TMEM87A: variants seen among roughly 807,000 people sequenced by gnomAD.
TMEM87A encodes Golgi-pH regulating cation channel.
Under a neutral mutation model 90.0 loss-of-function variants are expected in TMEM87A, and 50 were observed. The observed-to-expected ratio is 0.56, with a 90% CI of 0.44 to 0.70. TMEM87A has a LOEUF of 0.70. TMEM87A is among the 30% of genes least tolerant of loss of function. The probability of loss-of-function intolerance (pLI) is 0.00; values close to 1 mark genes in which losing one functional copy is unlikely to be tolerated. For missense variants in TMEM87A, 577 were observed against 660.5 expected, an observed-to-expected ratio of 0.87 and a Z score of 1.39; for synonymous variants, 226 against 226.7, an observed-to-expected ratio of 1.00 and a Z score of 0.03.
rs546186435 is a variant in TMEM87A, at chr15:42,221,500, CTAATT to C, written c.1404-1370_1404-1366del. On this transcript the variant is annotated intron_variant, in intron 15 of 19. Transcript: ENST00000389834. ...TATCAAAAATATATATATAATCTCC[CTAATT>C]TATTAATTCAATTAAGTTCCAATCA... Among the ~76,000 whole-genome samples, 66 of 152,190 alleles carry C rather than the reference CTAATT, an allele frequency of 4.3e-4. 1 individual carries two copies. Among genetic ancestry groups the C allele is most frequent in the Middle Eastern group, 6.8e-3 (2 of 294 alleles).
At chr15:42,260,415 C>A (rs1269303497) in intron 6 of TMEM87A, among the ~76,000 whole-genome samples, 1 of 152,110 alleles carries the variant, frequency 6.6e-6, no homozygotes, top group Non-Finnish European at 1.5e-5. Flanking sequence ...GTATATTATA[C>A]CTTCATAAAG....
chr15:42,226,822 A>G lies in TMEM87A; in HGVS notation c.1387T>C (p.Ser463Pro). The G allele has an allele frequency of 6.2e-7, 1 of 1,614,088 alleles. No homozygotes were observed. Among genetic ancestry groups the G allele is most frequent in the Non-Finnish European group, 8.5e-7 (1 of 1,180,006 alleles). Residue 463 changes from serine to proline, a missense_variant, in exon 15 of 20, where the codon TCT (serine) becomes CCT (proline). Coordinates refer to ENST00000389834, the MANE Select transcript of TMEM87A (RefSeq NM_015497.5). ...TCCAAGAACCTCTGGTTGTTTGCAG[A>G]TGGTCGCCAGAGAACCATGATGACA... The part of the protein sequence containing the change: ...LFVIMVLWRP[S>P]ANNQRFAFSP...
intron 10 of TMEM87A, 37 bp from the exon 11 acceptor site, chr15:42,233,343 G>A (rs1355351745): frequency 1.3e-6 from 2 of 1,523,098 alleles, no homozygotes; most frequent in Non-Finnish European, 1.8e-6. Context: ...AGTACATATG[G>A]GACAAATGCC....
chr15:42,227,598 C>A, intron 14 of TMEM87A, 113 bp downstream of exon 14: 1 of 870,358 alleles, frequency 1.1e-6, no homozygotes, highest in Non-Finnish European at 1.8e-6. Flanking sequence ...AGAGTAGAGA[C>A]CTAGCTCTAA....
chr15:42,261,020 ATAAT>A lies in TMEM87A; in HGVS notation c.460-22_460-19del, dbSNP rs764954794. On this transcript the variant is annotated intron_variant, in intron 5 of 19. Transcript: ENST00000389834. ...TCCTTAGCCTTTAAACATTAAAAAAATAATAATAATTAATTCAGAACTTCTTGTT... is the reference window on the plus strand; with the variant it reads ...TCCTTAGCCTTTAAACATTAAAAAAAAATAATTAATTCAGAACTTCTTGTT... 1.2e-5 allele frequency: 17 copies of A among 1,405,878 alleles called. No individual in the cohort carries two copies. Among genetic ancestry groups the A allele is most frequent in the Non-Finnish European group, 1.6e-5 (16 of 1,023,730 alleles). The allele number at this position is 1,405,878 out of a possible 1,614,324, so 87.1% of individuals were successfully genotyped here. A position where few individuals can be genotyped will look rare whatever the true frequency, so the allele number is the denominator to read the frequency against.
chr15:42,268,107 T>A, intron 2 of TMEM87A, 75 bp from the exon 3 acceptor site: 6 of 1,269,780 alleles, frequency 4.7e-6, no homozygotes, highest in Non-Finnish European at 4.5e-6. Context: ...TTAACCTATA[T>A]CCTATTCATT....
At chr15:42,227,862 A>T in intron 13 of TMEM87A, 93 bp from the exon 14 acceptor site, 2 of 1,043,954 alleles carry the variant, frequency 1.9e-6, no homozygotes, top group East Asian at 5.0e-5. Flanking sequence ...AATCCCACAC[A>T]CCCCGAACCC....
intron 15 of TMEM87A, among the ~76,000 whole-genome samples, chr15:42,223,050 G>A (rs1269917556): frequency 2.0e-5 from 3 of 152,144 alleles, no homozygotes; most frequent in Admixed American, 6.5e-5. Flanking sequence ...GAAAATATAT[G>A]CAATACTTAG....
rs768949008 is a variant in TMEM87A at position 42,228,830 on chromosome 15, G to C, written c.1132-10C>G. Reference sequence around the variant, plus strand: ...TCAGGCTAATAAATATGTGTTTGCAGGTCAAGGAATTCAACATTCAGGAAA... The same window carrying C: ...TCAGGCTAATAAATATGTGTTTGCACGTCAAGGAATTCAACATTCAGGAAA... On this transcript the variant is annotated splice_polypyrimidine_tract_variant and intron_variant, in intron 12 of 19. Transcript: ENST00000389834. 1.3e-6 allele frequency: 2 copies of C among 1,549,766 alleles called. No homozygotes were observed. The highest frequency in any genetic ancestry group is 2.5e-5 in the South Asian group (2 of 80,266).
chr15:42,220,310 G>A (rs1282279735), intron 15 of TMEM87A, among the ~76,000 whole-genome samples, 175 bp from the exon 16 acceptor site: 1 of 152,196 alleles, frequency 6.6e-6, no homozygotes, highest in African/African-American at 2.4e-5. Flanking sequence ...ATTAGCAAGG[G>A]AGAAGCAGGA....
chr15:42,244,262 A>G (rs1282206895), intron 6 of TMEM87A, 95 bp from the exon 7 acceptor site: 2 of 785,014 alleles, frequency 2.5e-6, no homozygotes, highest in Non-Finnish European at 2.0e-6. Context: ...GAATGTGCCC[A>G]GAAATATGGT....
chr15:42,273,531 T>A, upstream of TMEM87A: 2 of 1,436,310 alleles, frequency 1.4e-6, no homozygotes, highest in Non-Finnish European at 1.9e-6. Flanking sequence ...CTGTGCGGCG[T>A]AGCGGCCCCT....
chr15:42,251,097 T>A (rs374030748), intron 6 of TMEM87A, among the ~76,000 whole-genome samples: 1 of 152,194 alleles, frequency 6.6e-6, no homozygotes, highest in African/African-American at 2.4e-5. Flanking sequence ...CATCAGGTCA[T>A]TTAAGGTCTT....
At chr15:42,273,493 G>A, upstream of TMEM87A, 1 of 1,555,424 alleles carries the variant, frequency 6.4e-7, no homozygotes, top group East Asian at 2.3e-5. Context: ...GATTATCCGG[G>A]TCCTGGAAAC....
Position 42,233,215 on chromosome 15 carries a change from CAGTAACT to C in TMEM87A, c.1053_1059del (p.Val352GlyfsTer17). On this transcript the variant is annotated frameshift_variant, in exon 11 of 20. Transcript: ENST00000389834. LOFTEE classifies it high-confidence loss of function. ...AAATGAGATTAAGCAGTACTAACCC[CAGTAACT>C]CTGAGGACCCCTTCCATGCCAGAGA... is the stretch of plus-strand genomic sequence containing the variant. The C allele has an allele frequency of 6.2e-7, 1 of 1,612,508 alleles. No homozygotes were observed. Among genetic ancestry groups the C allele is most frequent in the Non-Finnish European group, 8.5e-7 (1 of 1,178,654 alleles).
intron 13 of TMEM87A, 77 bp downstream of exon 13, chr15:42,228,635 C>A: frequency 8.0e-7 from 1 of 1,244,602 alleles, no homozygotes; most frequent in South Asian, 1.2e-5. Flanking sequence ...TCTATGTCCA[C>A]CCATGGCCTT....
chr15:42,242,066 CAAAAAAAAAAAG>C (rs1219245018), intron 7 of TMEM87A, among the ~76,000 whole-genome samples: 90 of 57,880 alleles, frequency 1.6e-3, no homozygotes, highest in South Asian at 5.0e-3. Flanking sequence ...GACTCTATCT[CAAAAAAAAAAAG>C]AAAAAAAAAA....
rs1413102233 is a variant in TMEM87A at position 42,211,144 on chromosome 15, T to TA, written c.*563_*564insT. On this transcript the variant is annotated 3_prime_UTR_variant, in exon 20 of 20. Transcript: ENST00000389834. ...TCATACTGTAACAGTTTCTCTTTTT[T>TA]TTTTTTTCTTTTGATCATTGATAGA... 6.6e-6 allele frequency: 1 copy of TA among 152,086 alleles called. No individual in the cohort carries two copies. The highest frequency in any genetic ancestry group is 1.5e-5 in the Non-Finnish European group (1 of 67,904). The allele number at this position is 152,086 out of a possible 1,614,324, so 9.4% of individuals were successfully genotyped here.
intron 17 of TMEM87A, among the ~76,000 whole-genome samples, chr15:42,218,702 A>C (rs1050005598): frequency 6.6e-6 from 1 of 152,144 alleles, no homozygotes; most frequent in Non-Finnish European, 1.5e-5. Context: ...TTAACATAGT[A>C]TCTTCCAGGC....
Sources: allele counts gnomAD v4.1 joint callset (sites outside exome capture counted in the v4.1 genomes callset), GRCh38; gene constraint gnomAD v4.1.1; transcripts MANE v1.5; gene names NCBI Gene and HGNC (gene_info 2026-07-23, HGNC 2026-07-21).